Variants in CSNK1G1 observed in about 807,000 individuals in gnomAD.
The protein encoded by CSNK1G1 is casein kinase 1 gamma 1, also known as casein kinase I isoform gamma-1.
CSNK1G1 carries 22 observed loss-of-function variants against 59.6 expected under a neutral mutation model. The observed-to-expected ratio is 0.37, with a 90% CI of 0.26 to 0.53. The LOEUF (loss-of-function observed/expected upper bound fraction) is 0.53, where lower values mean the gene tolerates loss of function less well. Ranked by LOEUF, CSNK1G1 falls within the 20% of genes least tolerant of loss-of-function variation. The probability of loss-of-function intolerance (pLI) is 0.89; values close to 1 mark genes in which losing one functional copy is unlikely to be tolerated. For missense variants in CSNK1G1, 384 were observed against 519.5 expected (o/e 0.74, Z 2.54); for synonymous variants, 179 against 177.1 (o/e 1.01, Z -0.08).
chr15:64,339,318 T>C (rs1223352420), intron 1 of CSNK1G1, among the ~76,000 whole-genome samples: 3 of 152,018 alleles, frequency 2.0e-5, no homozygotes, highest in East Asian at 1.9e-4. Context: ...GTTGTTATTG[T>C]TGTTGTTGTT....
intron 1 of CSNK1G1, among the ~76,000 whole-genome samples, chr15:64,345,705 ACT>A (rs1435267462): frequency 6.6e-6 from 1 of 152,188 alleles, no homozygotes; most frequent in East Asian, 1.9e-4. Context: ...ACGTTAGGAA[ACT>A]CTCATTTAAA....
chr15:64,266,540 C>A (rs1470964117), intron 2 of CSNK1G1, among the ~76,000 whole-genome samples: 1 of 152,030 alleles, frequency 6.6e-6, no homozygotes, highest in African/African-American at 2.4e-5. Flanking sequence ...TCATATGGAA[C>A]CACAAAAGAT....
At chr15:64,218,977 C>G (rs756620412) in intron 4 of CSNK1G1, among the ~76,000 whole-genome samples, 1 of 151,964 alleles carries the variant, frequency 6.6e-6, no homozygotes, top group East Asian at 1.9e-4. Context: ...GCCTCAGCCT[C>G]CTGAGTAGCT....
chr15:64,226,555 A>AAAAACAAACAAAC (rs1555501388), intron 4 of CSNK1G1, among the ~76,000 whole-genome samples: 2 of 148,334 alleles, frequency 1.3e-5, no homozygotes, highest in African/African-American at 5.1e-5. Flanking sequence ...ATTCCGTCTC[A>AAAAACAAACAAAC]AAACAAACAA....
intron 4 of CSNK1G1, among the ~76,000 whole-genome samples, chr15:64,250,662 T>C (rs1477014759): frequency 6.6e-6 from 1 of 152,124 alleles, no homozygotes; most frequent in East Asian, 1.9e-4. Flanking sequence ...GGAGAACTGC[T>C]TGAGCCTAGA....
At chr15:64,292,458 A>G (rs1894795954) in intron 2 of CSNK1G1, among the ~76,000 whole-genome samples, 1 of 152,226 alleles carries the variant, frequency 6.6e-6, no homozygotes, top group Non-Finnish European at 1.5e-5. Flanking sequence ...AAAGATGGAA[A>G]AGATCAAAAA....
At chr15:64,352,484 T>C (rs1223712271) in intron 1 of CSNK1G1, among the ~76,000 whole-genome samples, 1 of 124,538 alleles carries the variant, frequency 8.0e-6, no homozygotes, top group Non-Finnish European at 1.6e-5. Flanking sequence ...AGTTTTGCTC[T>C]TGCCCAGGCT....
chr15:64,219,301 AATC>A (rs1236956293), intron 4 of CSNK1G1, among the ~76,000 whole-genome samples: 1 of 152,214 alleles, frequency 6.6e-6, no homozygotes, highest in African/African-American at 2.4e-5. Flanking sequence ...TGCTTTTATT[AATC>A]AGACACATGG....
At chr15:64,269,540 C>A (rs1342202569) in intron 2 of CSNK1G1, among the ~76,000 whole-genome samples, 1 of 145,004 alleles carries the variant, frequency 6.9e-6, no homozygotes, top group African/African-American at 2.6e-5. Flanking sequence ...GTGGCCCAGG[C>A]TGGAGTGCAG....
intron 2 of CSNK1G1, among the ~76,000 whole-genome samples, chr15:64,263,334 G>A (rs966412968): frequency 6.6e-6 from 1 of 151,818 alleles, no homozygotes. Flanking sequence ...GATTACAGGT[G>A]CGCGCCAACA....
intron 4 of CSNK1G1, among the ~76,000 whole-genome samples, chr15:64,226,470 C>A (rs757655756): frequency 1.3e-5 from 2 of 151,918 alleles, no homozygotes; most frequent in Non-Finnish European, 2.9e-5. Context: ...GCAGGGGAAT[C>A]GCTTGAACCC....
chr15:64,352,448 T>TTTC (rs1027136671), intron 1 of CSNK1G1, among the ~76,000 whole-genome samples: 2 of 7,308 alleles, frequency 2.7e-4, no homozygotes, highest in East Asian at 0.042. Context: ...TGAATTCTTC[T>TTTC]TTTTTTTTTT....
intron 1 of CSNK1G1, among the ~76,000 whole-genome samples, chr15:64,334,488 T>G (rs1009152563): frequency 2.0e-5 from 3 of 152,190 alleles, no homozygotes; most frequent in African/African-American, 7.2e-5. Flanking sequence ...CATTGTACTA[T>G]GCAATGAAAT....
At position 64,277,735 on chromosome 15, in the gene CSNK1G1, T is replaced by C. The variant is rs1392498815; in HGVS notation, c.182-18494A>G. Among the ~76,000 whole-genome samples, 24 of 124,490 alleles carry C rather than the reference T, an allele frequency of 1.9e-4. 1 individual carries two copies. Among genetic ancestry groups the C allele is most frequent in the South Asian group, 2.4e-4 (1 of 4,246 alleles). 81.7% of individuals were successfully genotyped at this position (124,490 alleles called of 152,430 possible). Reference sequence around the variant, plus strand: ...AATATTGATATATTTAATAATATATTAATATTGATATATTTAATAATATAG... The same window carrying C: ...AATATTGATATATTTAATAATATATCAATATTGATATATTTAATAATATAG... On this transcript the variant is annotated intron_variant, in intron 2 of 11. Transcript: ENST00000303052.
chr15:64,267,476 T>G (rs1028945937), intron 2 of CSNK1G1, among the ~76,000 whole-genome samples: 25 of 151,904 alleles, frequency 1.6e-4, no homozygotes, highest in Non-Finnish European at 3.7e-4. Flanking sequence ...AAACCCCAAA[T>G]AATCCAATTT....
chr15:64,237,054 C>T (rs1405812603), intron 4 of CSNK1G1, among the ~76,000 whole-genome samples: 1 of 151,954 alleles, frequency 6.6e-6, no homozygotes, highest in Non-Finnish European at 1.5e-5. Context: ...TGATATCATT[C>T]ATAAGTGCTA....
At chr15:64,207,851 A>T (rs146532928) in intron 6 of CSNK1G1, among the ~76,000 whole-genome samples, 1 of 151,594 alleles carries the variant, frequency 6.6e-6, no homozygotes, top group East Asian at 1.9e-4. Context: ...CCAAATCACT[A>T]AACAGTGAAT....
chr15:64,251,480 C>G (rs1230136985), intron 4 of CSNK1G1, 32 bp downstream of exon 4: 3 of 1,523,062 alleles, frequency 2.0e-6, no homozygotes, highest in Admixed American at 3.5e-5. Context: ...AAGATACATA[C>G]TAAGTAAGTG....
intron 2 of CSNK1G1, among the ~76,000 whole-genome samples, chr15:64,293,866 G>A (rs1183538268): frequency 6.6e-6 from 1 of 152,076 alleles, no homozygotes; most frequent in Non-Finnish European, 1.5e-5. Context: ...TCCACCCCTG[G>A]TACATGGAAA....
Sources: allele counts gnomAD v4.1 joint callset (sites outside exome capture counted in the v4.1 genomes callset), GRCh38; gene constraint gnomAD v4.1.1; transcripts MANE v1.5; gene names NCBI Gene and HGNC (gene_info 2026-07-23, HGNC 2026-07-21).